CNTN4: variants seen among roughly 807,000 people sequenced by gnomAD.
CNTN4 encodes the protein contactin 4.
Under a neutral mutation model 122.5 loss-of-function variants are expected in CNTN4, and 77 were observed. The ratio of observed to expected loss-of-function variants is 0.63; its 90% CI spans 0.52 to 0.76. CNTN4 has a LOEUF of 0.76. CNTN4 is among the 30% of genes least tolerant of loss of function. The probability of loss-of-function intolerance (pLI) is 0.00; values close to 1 mark genes in which losing one functional copy is unlikely to be tolerated. For synonymous variants in CNTN4, 512 were observed against 447.0 expected (o/e 1.15, Z -1.83); for missense variants, 1,256 against 1,259.1 (o/e 1.00, Z 0.04).
rs117398417 is a variant in CNTN4, at chr3:2,467,958, G to A, written c.-88-103458G>A. 2.6e-3 allele frequency among the ~76,000 whole-genome samples: 398 copies of A among 152,216 alleles called. 5 individuals carry two copies. Among genetic ancestry groups the A allele is most frequent in the Admixed American group, 9.0e-3 (138 of 15,288 alleles). ...TCTATATTTTATAGCCGACAAACCTGAAGCCCAAAGAGAACTTCGTCATTC... is the reference window on the plus strand; with the variant it reads ...TCTATATTTTATAGCCGACAAACCTAAAGCCCAAAGAGAACTTCGTCATTC... On this transcript the variant is annotated intron_variant, in intron 3 of 24. Transcript: ENST00000418658.
At chr3:2,492,402 T>C (rs1271488683) in intron 3 of CNTN4, among the ~76,000 whole-genome samples, 1 of 152,136 alleles carries the variant, frequency 6.6e-6, no homozygotes, top group African/African-American at 2.4e-5. Flanking sequence ...CTAAAGACAT[T>C]GGAACTGAGA....
chr3:3,042,411 C>G lies in CNTN4; in HGVS notation c.2500C>G (p.Gln834Glu). Residue 834 changes from glutamine (Q) to glutamate (E), a missense_variant, in exon 21 of 25, where the codon CAA (glutamine) becomes GAA (glutamate). Transcript: ENST00000418658. ...ACTGGAGAAGAATAGAGGACGAATA[C>G]AAGGTTATGAGGTAGGCAAGACATA... ...SPLEKNRGRIQGYEVKYWRHE... is the reference protein window; with the variant it reads ...SPLEKNRGRIEGYEVKYWRHE... 6.2e-7 allele frequency: 1 copy of G among 1,608,778 alleles called. No homozygotes were observed. Among genetic ancestry groups the G allele is most frequent in the East Asian group, 2.2e-5 (1 of 44,854 alleles).
intron 2 of CNTN4, among the ~76,000 whole-genome samples, chr3:2,131,502 A>G (rs2034450233): frequency 6.6e-6 from 1 of 152,210 alleles, no homozygotes; most frequent in Non-Finnish European, 1.5e-5. Context: ...AGTAAGATTC[A>G]GATGAGAGAG....
intron 3 of CNTN4, among the ~76,000 whole-genome samples, chr3:2,547,605 A>G (rs576177463): frequency 9.9e-4 from 150 of 152,204 alleles, no homozygotes; most frequent in African/African-American, 3.5e-3. Context: ...TGATTCAAGA[A>G]GAAATATTCA....
In CNTN4 at chr3:2,144,043, G is replaced by C. The variant is rs2035129119; in HGVS notation, c.-145+43404G>C. ...CAGCAATATTTTGAACTAAGAAGAT[G>C]AAGTAGAATTAGACATGAGCAAAGC... On this transcript the variant is annotated intron_variant, in intron 2 of 24. Transcript: ENST00000418658. 3 of 152,318 alleles carry C rather than the reference G, an allele frequency of 2.0e-5. No homozygotes were observed. The South Asian group carries it at 6.2e-4, about 32-fold the overall frequency. 9.4% of individuals were successfully genotyped at this position (152,318 alleles called of 1,614,324 possible). A position where few individuals can be genotyped will look rare whatever the true frequency, so the allele number is the denominator to read the frequency against.
At chr3:2,117,991 G>GA (rs1205975796) in intron 2 of CNTN4, among the ~76,000 whole-genome samples, 1 of 151,848 alleles carries the variant, frequency 6.6e-6, no homozygotes, top group Non-Finnish European at 1.5e-5. Flanking sequence ...CTTTTTCTTA[G>GA]AAAAAACACC....
At chr3:2,642,091 C>G (rs914953311) in intron 4 of CNTN4, among the ~76,000 whole-genome samples, 5 of 152,192 alleles carry the variant, frequency 3.3e-5, no homozygotes, top group African/African-American at 1.2e-4. Flanking sequence ...CCGCAATAGG[C>G]TGTCTGCAAG....
chr3:2,459,792 A>G (rs1241354731), intron 3 of CNTN4, among the ~76,000 whole-genome samples: 1 of 152,214 alleles, frequency 6.6e-6, no homozygotes, highest in African/African-American at 2.4e-5. Flanking sequence ...CAATGTGTCC[A>G]CAGGGCAACC....
At chr3:2,125,777 C>T (rs952019211) in intron 2 of CNTN4, among the ~76,000 whole-genome samples, 23 of 151,854 alleles carry the variant, frequency 1.5e-4, no homozygotes, top group African/African-American at 2.9e-4. Flanking sequence ...AGGATGGTCT[C>T]GATCTCCTGA....
At chr3:2,275,919 C>CAAAAAAAAAAAAAAAAAAA (rs767326367) in intron 2 of CNTN4, among the ~76,000 whole-genome samples, 1 of 107,064 alleles carries the variant, frequency 9.3e-6, no homozygotes, top group Non-Finnish European at 1.8e-5. Flanking sequence ...GACTCTGTCT[C>CAAAAAAAAAAAAAAAAAAA]AAAAAAAAAA....
At chr3:2,374,136 G>A (rs2045733260) in intron 3 of CNTN4, among the ~76,000 whole-genome samples, 1 of 152,162 alleles carries the variant, frequency 6.6e-6, no homozygotes, top group South Asian at 2.1e-4. Flanking sequence ...ACTCAGTAAA[G>A]GAAATGGGCT....
chr3:2,924,718 C>G (rs534348035), intron 12 of CNTN4, among the ~76,000 whole-genome samples: 3 of 152,278 alleles, frequency 2.0e-5, no homozygotes, highest in Non-Finnish European at 4.4e-5. Context: ...TATCTCAACA[C>G]CTACACTCCA....
intron 10 of CNTN4, among the ~76,000 whole-genome samples, chr3:2,888,220 A>T (rs1430274631): frequency 8.5e-5 from 13 of 152,218 alleles, no homozygotes; most frequent in Non-Finnish European, 4.4e-5. Flanking sequence ...CTCTTGGCTA[A>T]GGGGGGGCCC....
At chr3:2,894,473 T>C (rs1255680369) in intron 10 of CNTN4, among the ~76,000 whole-genome samples, 1 of 152,232 alleles carries the variant, frequency 6.6e-6, no homozygotes, top group East Asian at 1.9e-4. Flanking sequence ...TGTTAATGTC[T>C]CTGGGCCTTA....
At chr3:3,050,687 C>T (rs1048049192) in intron 23 of CNTN4, among the ~76,000 whole-genome samples, 18 of 142,862 alleles carry the variant, frequency 1.3e-4, no homozygotes, top group Admixed American at 1.1e-3. Flanking sequence ...TGCTTGAACC[C>T]GGGAGGCGGA....
At chr3:2,283,435 G>C (rs571221781) in intron 2 of CNTN4, among the ~76,000 whole-genome samples, 18 of 152,198 alleles carry the variant, frequency 1.2e-4, no homozygotes, top group Non-Finnish European at 2.2e-4. Flanking sequence ...AGTAGTCCTT[G>C]AAAGTTGGAA....
intron 8 of CNTN4, among the ~76,000 whole-genome samples, chr3:2,872,073 C>T (rs1298668107): frequency 6.6e-6 from 1 of 152,066 alleles, no homozygotes; most frequent in Non-Finnish European, 1.5e-5. Flanking sequence ...CTTATTAGCA[C>T]AGCTGTTGGT....
At chr3:2,277,752 C>G (rs1314888907) in intron 2 of CNTN4, among the ~76,000 whole-genome samples, 2 of 152,268 alleles carry the variant, frequency 1.3e-5, no homozygotes, top group Middle Eastern at 3.4e-3. Context: ...ATATTGATTT[C>G]CCTCCATTGT....
At chr3:2,486,939 A>G (rs2076178900) in intron 3 of CNTN4, among the ~76,000 whole-genome samples, 2 of 152,102 alleles carry the variant, frequency 1.3e-5, no homozygotes, top group African/African-American at 4.8e-5. Flanking sequence ...TATCTTATGT[A>G]TTTGTGTTCT....
Sources: gnomAD v4.1 joint callset for allele counts (sites outside exome capture counted in the v4.1 genomes callset) on GRCh38, gnomAD v4.1.1 for gene constraint, MANE v1.5 for transcripts, NCBI Gene and HGNC (gene_info 2026-07-23, HGNC 2026-07-21) for gene names.